PHACTR4: variants seen among roughly 807,000 people sequenced by gnomAD.
PHACTR4 encodes the protein phosphatase and actin regulator 4, also known as protein phosphatase 1, regulatory subunit 124.
In PHACTR4, 51 loss-of-function variants were observed where a neutral mutation model predicts 72.7. That is an observed-to-expected ratio of 0.70 (90% CI 0.56 to 0.89). The LOEUF is 0.89. Ranked by LOEUF, PHACTR4 falls within the 40% of genes least tolerant of loss-of-function variation. The pLI is 0.00. For missense variants in PHACTR4, 731 were observed against 861.8 expected (o/e 0.85, Z 1.90); for synonymous variants, 255 against 302.5 (o/e 0.84, Z 1.63).
chr1:28,376,450 G>A (rs1651679782), intron 1 of PHACTR4, among the ~76,000 whole-genome samples: 1 of 151,456 alleles, frequency 6.6e-6, no homozygotes, highest in African/African-American at 2.4e-5. Flanking sequence ...TGAGTAACTG[G>A]GACTACAGGC....
intron 2 of PHACTR4, among the ~76,000 whole-genome samples, chr1:28,449,435 A>C (rs767108321): frequency 2.6e-5 from 4 of 152,224 alleles, no homozygotes; most frequent in Middle Eastern, 3.2e-3. Context: ...ATCCTGTTTT[A>C]TCTCATATCT....
At chr1:28,398,499 CA>C (rs1401070091) in intron 1 of PHACTR4, among the ~76,000 whole-genome samples, 4 of 150,520 alleles carry the variant, frequency 2.7e-5, no homozygotes, top group Non-Finnish European at 5.9e-5. Flanking sequence ...CCAGCCTGGG[CA>C]ACAGAGTAGA....
chr1:28,369,901 C>T (rs1415914980), intron 1 of PHACTR4, 76 bp downstream of exon 1: 2 of 400,760 alleles, frequency 5.0e-6, no homozygotes, highest in South Asian at 1.8e-5. Flanking sequence ...GGCTGCGGCC[C>T]CTTTCTTGGC....
chr1:28,370,324 G>C (rs1277029077), intron 1 of PHACTR4, among the ~76,000 whole-genome samples: 1 of 152,150 alleles, frequency 6.6e-6, no homozygotes, highest in Non-Finnish European at 1.5e-5. Context: ...AAAACCTGGA[G>C]GTTATTATTT....
chr1:28,370,427 C>T (rs760187383), intron 1 of PHACTR4, among the ~76,000 whole-genome samples: 1 of 151,992 alleles, frequency 6.6e-6, no homozygotes, highest in African/African-American at 2.4e-5. Context: ...GAAGCGACCC[C>T]TCTCTCCCAC....
chr1:28,407,127 T>C (rs960383466), intron 1 of PHACTR4, among the ~76,000 whole-genome samples: 11 of 151,796 alleles, frequency 7.2e-5, no homozygotes, highest in Non-Finnish European at 1.5e-5. Flanking sequence ...TCAATTCCCC[T>C]AAAATAACTC....
intron 1 of PHACTR4, among the ~76,000 whole-genome samples, chr1:28,377,121 G>T (rs1195147198): frequency 6.6e-6 from 1 of 151,806 alleles, no homozygotes; most frequent in Non-Finnish European, 1.5e-5. Flanking sequence ...GTAGAGACAG[G>T]GTTTCGCCAT....
chr1:28,472,280 G>A (rs1659610501), intron 6 of PHACTR4, among the ~76,000 whole-genome samples: 1 of 152,010 alleles, frequency 6.6e-6, no homozygotes. Context: ...CTGAGTCCAT[G>A]CCAGTTTGTA....
intron 1 of PHACTR4, among the ~76,000 whole-genome samples, chr1:28,399,665 T>G (rs1653799941): frequency 6.6e-6 from 1 of 152,182 alleles, no homozygotes; most frequent in Non-Finnish European, 1.5e-5. Context: ...ACAGAACAGA[T>G]AAAGTATCTA....
intron 4 of PHACTR4, among the ~76,000 whole-genome samples, chr1:28,460,536 T>C (rs749703526): frequency 6.6e-6 from 1 of 151,796 alleles, no homozygotes; most frequent in Non-Finnish European, 1.5e-5. Flanking sequence ...TGAGACAGAG[T>C]CTTGCTCTGT....
chr1:28,455,198 CTTTT>C (rs139479738), intron 2 of PHACTR4, among the ~76,000 whole-genome samples: 1 of 85,962 alleles, frequency 1.2e-5, no homozygotes, highest in East Asian at 2.6e-4. Flanking sequence ...TTCTTTCTTT[CTTTT>C]TTTTTTTTTT....
chr1:28,435,976 A>G (rs1656606332), intron 2 of PHACTR4, among the ~76,000 whole-genome samples: 1 of 152,196 alleles, frequency 6.6e-6, no homozygotes, highest in Non-Finnish European at 1.5e-5. Context: ...CAACATCATA[A>G]TGTTTTTCTA....
At chr1:28,466,963 C>T (rs933465461) in intron 6 of PHACTR4, 195 bp downstream of exon 6, 15 of 723,978 alleles carry the variant, frequency 2.1e-5, no homozygotes, top group Admixed American at 3.3e-5. Flanking sequence ...GCCTGTAATC[C>T]CAGCACTTTG....
intron 2 of PHACTR4, among the ~76,000 whole-genome samples, chr1:28,430,083 C>T (rs565546155): frequency 1.3e-5 from 2 of 151,594 alleles, no homozygotes; most frequent in East Asian, 1.9e-4. Context: ...AGTGCAGTGG[C>T]GTGATCTCGG....
chr1:28,434,312 T>G (rs1314630657), intron 2 of PHACTR4, among the ~76,000 whole-genome samples: 1 of 142,862 alleles, frequency 7.0e-6, no homozygotes, highest in Non-Finnish European at 1.5e-5. Context: ...AAAAGATTGC[T>G]AAGAATCCTT....
chr1:28,469,388 G>C (rs1219004214), intron 6 of PHACTR4, among the ~76,000 whole-genome samples: 1 of 152,078 alleles, frequency 6.6e-6, no homozygotes, highest in African/African-American at 2.4e-5. Flanking sequence ...TTACGACTAA[G>C]GAAAAACCAC....
chr1:28,418,999 A>G (rs1195763359), intron 2 of PHACTR4, among the ~76,000 whole-genome samples: 1 of 103,760 alleles, frequency 9.6e-6, no homozygotes, highest in Non-Finnish European at 2.0e-5. Flanking sequence ...CTTTCTATCC[A>G]TTGGTAATTA....
intron 6 of PHACTR4, among the ~76,000 whole-genome samples, chr1:28,472,868 C>T (rs562300067): frequency 7.0e-6 from 1 of 142,174 alleles, no homozygotes; most frequent in South Asian, 2.2e-4. Context: ...CTGCCCACCT[C>T]GGCCTCCCAA....
Position 28,496,659 on chromosome 1 carries a change from T to TG in PHACTR4, c.*113dup, listed in dbSNP as rs959369034. ...CCAGCACAGCCAGAATTGCATCCTCTGGGATCTTCTGAGGTGGACAGCACT... is the reference window on the plus strand; with the variant it reads ...CCAGCACAGCCAGAATTGCATCCTCTGGGGATCTTCTGAGGTGGACAGCACT... On this transcript the variant is annotated 3_prime_UTR_variant, in exon 14 of 14. Coordinates refer to ENST00000373839, the MANE Select transcript of PHACTR4 (RefSeq NM_001048183.3). The TG allele has an allele frequency of 3.9e-6, 5 of 1,270,014 alleles. No homozygotes were observed. The African/African-American group carries it at 7.3e-5, about 19-fold the overall frequency. The allele number at this position is 1,270,014 out of a possible 1,614,324, so 78.7% of individuals were successfully genotyped here.
Sources: gnomAD v4.1 joint callset for allele counts (sites outside exome capture counted in the v4.1 genomes callset) on GRCh38, gnomAD v4.1.1 for gene constraint, MANE v1.5 for transcripts, NCBI Gene and HGNC (gene_info 2026-07-23, HGNC 2026-07-21) for gene names.